Variants in TRAF3 observed in about 807,000 individuals in gnomAD.
TRAF3 encodes TNF receptor-associated factor 3.
Under a neutral mutation model 62.3 loss-of-function variants are expected in TRAF3, and 13 were observed. The observed-to-expected ratio is 0.21, with a 90% CI of 0.14 to 0.33. TRAF3 has a LOEUF of 0.33. Among genes scored for constraint, TRAF3 ranks in the 10% least tolerant of loss-of-function variants. The pLI is 1.00. For missense variants in TRAF3, 440 were observed against 741.8 expected (o/e 0.59, Z 4.73); for synonymous variants, 269 against 283.4 (o/e 0.95, Z 0.51).
At chr14:102,793,857 C>T (rs1897931136) in intron 1 of TRAF3, among the ~76,000 whole-genome samples, 2 of 152,342 alleles carry the variant, frequency 1.3e-5, no homozygotes, top group East Asian at 3.9e-4. Context: ...CAGTAATCTA[C>T]TACTACATCT....
At chr14:102,806,752 A>G (rs374957033) in intron 1 of TRAF3, among the ~76,000 whole-genome samples, 1 of 151,950 alleles carries the variant, frequency 6.6e-6, no homozygotes, top group African/African-American at 2.4e-5. Context: ...GGCTGGGGGG[A>G]GGTCAAGAGT....
chr14:102,891,752 TACTC>T (rs1348252170), intron 9 of TRAF3, among the ~76,000 whole-genome samples: 4 of 152,126 alleles, frequency 2.6e-5, no homozygotes, highest in Admixed American at 6.5e-5. Context: ...CAGCCATCCT[TACTC>T]ACTCTGTGTT....
chr14:102,818,153 A>G (rs974206277), intron 1 of TRAF3, among the ~76,000 whole-genome samples: 32 of 152,182 alleles, frequency 2.1e-4, no homozygotes, highest in African/African-American at 7.2e-4. Context: ...GTGTTCTCAA[A>G]ACACTTTACA....
intron 1 of TRAF3, among the ~76,000 whole-genome samples, chr14:102,818,333 C>T (rs921982279): frequency 2.6e-5 from 4 of 152,106 alleles, no homozygotes; most frequent in Non-Finnish European, 5.9e-5. Flanking sequence ...GTATGATTAA[C>T]CCTCCCACCC....
chr14:102,864,655 G>T (rs1887877567), intron 2 of TRAF3, among the ~76,000 whole-genome samples: 1 of 152,178 alleles, frequency 6.6e-6, no homozygotes, highest in Non-Finnish European at 1.5e-5. Flanking sequence ...AGGATAAATA[G>T]CATAAGAGAT....
chr14:102,903,954 G>A lies in TRAF3; in HGVS notation c.1135+525G>A, dbSNP rs1431050747. 8 of 376,390 alleles carry A rather than the reference G, an allele frequency of 2.1e-5. No homozygotes were observed. Among genetic ancestry groups the A allele is most frequent in the African/African-American group, 1.5e-4 (7 of 47,604 alleles). 23.3% of individuals were successfully genotyped at this position (376,390 alleles called of 1,614,324 possible). On this transcript the variant is annotated intron_variant, in intron 11 of 11. Transcript: ENST00000392745. The surrounding 1 kb of genome is among the most constrained non-coding windows in gnomAD (Gnocchi z 6.4). ...AAAGGAACACAGATTACCGGTGTGT[G>A]TGTGGGGCCGGATGAAGCAGGCAGA...
At position 102,807,507 on chromosome 14, in the gene TRAF3, G is replaced by A. The variant is rs144285711; in HGVS notation, c.-156-22827G>A. The stretch of plus-strand genomic sequence containing the variant: ...GGGGTCTTGCTATGCTGCCCAGGCC[G>A]GTCTTGGTCTCCTGGCCTCAAGCAG... On this transcript the variant is annotated intron_variant, in intron 1 of 11. Transcript: ENST00000392745. 7.5e-3 allele frequency among the ~76,000 whole-genome samples: 1,135 copies of A among 152,264 alleles called. 12 individuals are homozygous for A. The highest frequency in any genetic ancestry group is 0.026 in the African/African-American group (1,078 of 41,550).
rs5811084 is a variant in TRAF3 at position 102,874,650 on chromosome 14, C to CTT, written c.298-961_298-960dup. On this transcript the variant is annotated intron_variant, in intron 4 of 11. Transcript: ENST00000392745. ...AAAAGTTGAAAGGTTTTTTCTTCTT[C>CTT]TTTTTTTTTTTTTTAAAGAAATGGG... Among the ~76,000 whole-genome samples the CTT allele has an allele frequency of 1.7e-3, 245 of 143,132 alleles. 1 individual carries two copies. Among genetic ancestry groups the CTT allele is most frequent in the East Asian group, 9.1e-3 (45 of 4,920 alleles). 93.9% of individuals were successfully genotyped at this position (143,132 alleles called of 152,430 possible).
At chr14:102,797,379 CGT>C (rs1898149829) in intron 1 of TRAF3, among the ~76,000 whole-genome samples, 1 of 152,118 alleles carries the variant, frequency 6.6e-6, no homozygotes, top group African/African-American at 2.4e-5. Context: ...TGCTCTTTTA[CGT>C]GTAACACTAC....
intron 1 of TRAF3, among the ~76,000 whole-genome samples, chr14:102,788,382 C>A (rs1490647816): frequency 6.6e-6 from 1 of 152,140 alleles, no homozygotes; most frequent in African/African-American, 2.4e-5. Flanking sequence ...AAAAATCAGG[C>A]CAGGCATGGT....
intron 1 of TRAF3, among the ~76,000 whole-genome samples, chr14:102,783,889 C>T (rs188003679): frequency 5.0e-4 from 76 of 152,204 alleles, no homozygotes; most frequent in Middle Eastern, 6.8e-3. Context: ...GCTACTAGCA[C>T]CAGGGACATC....
intron 10 of TRAF3, 108 bp downstream of exon 10, chr14:102,897,509 G>A (rs1314145996): frequency 1.6e-5 from 22 of 1,403,152 alleles, no homozygotes; most frequent in Non-Finnish European, 2.1e-5. Context: ...ACCTTTGCAA[G>A]CAGAAAGGCA....
chr14:102,841,221 G>C (rs2139679180), intron 2 of TRAF3, among the ~76,000 whole-genome samples: 1 of 152,312 alleles, frequency 6.6e-6, no homozygotes, highest in African/African-American at 2.4e-5. Flanking sequence ...ATTTGTGGAG[G>C]AAAACATAGG....
At chr14:102,799,649 C>T (rs1010378792) in intron 1 of TRAF3, among the ~76,000 whole-genome samples, 1 of 152,116 alleles carries the variant, frequency 6.6e-6, no homozygotes, top group Non-Finnish European at 1.5e-5. Flanking sequence ...TGGGGTTTCA[C>T]CATGTTGGTC....
intron 1 of TRAF3, among the ~76,000 whole-genome samples, chr14:102,782,745 C>T (rs1897318387): frequency 6.6e-6 from 1 of 151,772 alleles, no homozygotes. Flanking sequence ...GTGGTAACTT[C>T]TCATGAGGCC....
chr14:102,837,132 GTGTGTGTGTGT>G (rs1343259201), intron 2 of TRAF3, among the ~76,000 whole-genome samples: 1 of 142,032 alleles, frequency 7.0e-6, no homozygotes, highest in Non-Finnish European at 1.6e-5. Context: ...GTGTGTGTGT[GTGTGTGTGTGT>G]TTTTTTTGGG....
chr14:102,850,011 C>T (rs968181069), intron 2 of TRAF3, among the ~76,000 whole-genome samples: 7 of 152,152 alleles, frequency 4.6e-5, no homozygotes, highest in African/African-American at 7.2e-5. Flanking sequence ...TGGTTTTCCC[C>T]GGGCTTTCCA....
At chr14:102,842,096 T>C (rs1178082680) in intron 2 of TRAF3, among the ~76,000 whole-genome samples, 2 of 151,424 alleles carry the variant, frequency 1.3e-5, no homozygotes. Context: ...AATACAAAAA[T>C]TAGCCGGGCG....
At chr14:102,871,159 A>T (rs964306527) in intron 3 of TRAF3, among the ~76,000 whole-genome samples, 2 of 152,330 alleles carry the variant, frequency 1.3e-5, no homozygotes, top group Middle Eastern at 3.4e-3. Flanking sequence ...CTCCTCCCAC[A>T]GCACTCAAGC....
Sources: gnomAD v4.1 joint callset for allele counts (sites outside exome capture counted in the v4.1 genomes callset) on GRCh38, gnomAD v4.1.1 for gene constraint, Gnocchi (gnomAD v3.1) non-coding constraint, MANE v1.5 for transcripts, NCBI Gene and HGNC (gene_info 2026-07-23, HGNC 2026-07-21) for gene names.